The following SLC1A2 variants were observed in gnomAD, a reference collection of about 807,000 sequenced individuals.
SLC1A2 encodes excitatory amino acid transporter 2.
Under a neutral mutation model 48.8 loss-of-function variants are expected in SLC1A2, and 15 were observed. The observed-to-expected ratio is 0.31, with a 90% CI of 0.21 to 0.47. The LOEUF (loss-of-function observed/expected upper bound fraction) is 0.47, where lower values mean the gene tolerates loss of function less well. Among genes scored for constraint, SLC1A2 ranks in the 20% least tolerant of loss-of-function variants. The pLI is 0.99. For missense variants in SLC1A2, 502 were observed against 730.5 expected (o/e 0.69, Z 3.61); for synonymous variants, 279 against 272.6 (o/e 1.02, Z -0.23).
chr11:35,419,147 G>C lies in SLC1A2; in HGVS notation c.-181C>G. The C allele has an allele frequency of 2.0e-6, 1 of 499,202 alleles. No homozygotes were observed. The highest frequency in any genetic ancestry group is 3.5e-5 in the East Asian group (1 of 28,436). The allele number at this position is 499,202 out of a possible 1,614,324, so 30.9% of individuals were successfully genotyped here. A position where few individuals can be genotyped will look rare whatever the true frequency, so the allele number is the denominator to read the frequency against. On this transcript the variant is annotated 5_prime_UTR_variant, in exon 1 of 11. Transcript: ENST00000278379. This position sits in a 1 kb window ranked among gnomAD's most constrained non-coding sequence, Gnocchi z 5.4. ...GCCTCAACGGGCGCAGGAGGCTCCT[G>C]CGGGCGCTAATCCGCGTCCCGGCTC...
intron 1 of SLC1A2, among the ~76,000 whole-genome samples, chr11:35,388,794 G>A (rs1033339526): frequency 6.6e-6 from 1 of 152,194 alleles, no homozygotes; most frequent in Non-Finnish European, 1.5e-5. Flanking sequence ...TACACCTTCG[G>A]ATGCTCAGAA....
In SLC1A2 at chr11:35,369,265, C is replaced by T. The variant is rs1395675714; in HGVS notation, c.17+49685G>A. ...TAGAGACAAAAGTAATAAAGAGGGC[C>T]TTTTGTCATGTAACTCGAGGTGAGG... On this transcript the variant is annotated intron_variant, in intron 1 of 10. Coordinates refer to ENST00000278379, the MANE Select transcript of SLC1A2 (RefSeq NM_004171.4). 4.6e-5 allele frequency among the ~76,000 whole-genome samples: 7 copies of T among 152,160 alleles called. No homozygotes were observed. In the East Asian group the frequency reaches 7.7e-4, roughly 17 times the overall value.
intron 1 of SLC1A2, among the ~76,000 whole-genome samples, chr11:35,392,179 T>C (rs1161283685): frequency 6.6e-6 from 1 of 152,238 alleles, no homozygotes; most frequent in South Asian, 2.1e-4. Flanking sequence ...TGCTTACACA[T>C]ACTTTTAAGT....
chr11:35,345,061 TA>T (rs11406743), intron 1 of SLC1A2, among the ~76,000 whole-genome samples: 2 of 150,866 alleles, frequency 1.3e-5, no homozygotes, highest in Non-Finnish European at 3.0e-5. Context: ...GCCCCAAGAG[TA>T]AAAAAAAATA....
chr11:35,338,836 C>T (rs1852731266), intron 1 of SLC1A2, among the ~76,000 whole-genome samples: 1 of 152,202 alleles, frequency 6.6e-6, no homozygotes, highest in Admixed American at 6.5e-5. Context: ...GACACAATTA[C>T]TTTACCCACT....
At chr11:35,271,160 T>A (rs1757506032) in intron 9 of SLC1A2, among the ~76,000 whole-genome samples, 1 of 152,182 alleles carries the variant, frequency 6.6e-6, no homozygotes, top group African/African-American at 2.4e-5. Context: ...CAGTAGACAA[T>A]GTAACCATAT....
At chr11:35,314,628 G>A (rs4756209) in intron 3 of SLC1A2, among the ~76,000 whole-genome samples, 3 of 150,908 alleles carry the variant, frequency 2.0e-5, no homozygotes, top group Admixed American at 6.6e-5. Context: ...CAGGAGAATC[G>A]CTTGAACCCA....
At chr11:35,269,765 A>G (rs556264935) in intron 9 of SLC1A2, among the ~76,000 whole-genome samples, 9 of 152,314 alleles carry the variant, frequency 5.9e-5, no homozygotes, top group African/African-American at 1.9e-4. Context: ...AACTCTGGCC[A>G]ATGAAATAGC....
intron 1 of SLC1A2, among the ~76,000 whole-genome samples, chr11:35,413,412 TC>T (rs1248435589): frequency 1.3e-5 from 2 of 152,120 alleles, no homozygotes; most frequent in Admixed American, 6.5e-5. Context: ...AGGCTAAGAG[TC>T]ACTCCTGCTG....
At chr11:35,371,263 A>G (rs574705125) in intron 1 of SLC1A2, among the ~76,000 whole-genome samples, 1 of 152,266 alleles carries the variant, frequency 6.6e-6, no homozygotes, top group East Asian at 1.9e-4. Flanking sequence ...ACTTTGATAC[A>G]GCACCAACTT....
At chr11:35,315,561 A>C (rs1851847215) in intron 2 of SLC1A2, 1 of 161,306 alleles carries the variant, frequency 6.2e-6, no homozygotes, top group African/African-American at 2.4e-5. Context: ...TGGGAGGCCG[A>C]GGCGAGTGGG....
At chr11:35,284,543 TTGTGTG>T (rs34712517) in intron 8 of SLC1A2, among the ~76,000 whole-genome samples, 4 of 149,938 alleles carry the variant, frequency 2.7e-5, no homozygotes, top group African/African-American at 9.8e-5. Context: ...TGTTTTCATA[TTGTGTG>T]TGTGTGTGTG....
In SLC1A2 at chr11:35,317,551, T is replaced by C. The variant is rs767693208; in HGVS notation, c.18-35A>G. ...AAGTGAAGGCAGAGATTAGAGAGACTGGCACCTCCCCTATACAGTTTCAGG... is the reference window on the plus strand; with the variant it reads ...AAGTGAAGGCAGAGATTAGAGAGACCGGCACCTCCCCTATACAGTTTCAGG... On this transcript the variant is annotated intron_variant, in intron 1 of 10. Coordinates refer to ENST00000278379, the MANE Select transcript of SLC1A2 (RefSeq NM_004171.4). 7.5e-6 allele frequency: 12 copies of C among 1,602,700 alleles called. No homozygotes were observed. In the African/African-American group the frequency reaches 9.3e-5, roughly 12 times the overall value.
At position 35,260,703 on chromosome 11, in the gene SLC1A2, T is replaced by C; in HGVS notation, c.*191A>G. The C allele has an allele frequency of 3.5e-6, 2 of 570,784 alleles. No individual in the cohort carries two copies. Among genetic ancestry groups the C allele is most frequent in the South Asian group, 4.6e-5 (2 of 43,946 alleles). The allele number at this position is 570,784 out of a possible 1,614,324, so 35.4% of individuals were successfully genotyped here. A position where few individuals can be genotyped will look rare whatever the true frequency, so the allele number is the denominator to read the frequency against. On this transcript the variant is annotated 3_prime_UTR_variant, in exon 11 of 11. Transcript: ENST00000278379. ...AGAAAATTAGACGGTTATAAAGCATTATTTGGCAAAGACACAGCACCGTGC... is the reference window on the plus strand; with the variant it reads ...AGAAAATTAGACGGTTATAAAGCATCATTTGGCAAAGACACAGCACCGTGC...
chr11:35,272,998 A>G (rs999006559), intron 9 of SLC1A2, among the ~76,000 whole-genome samples: 4 of 152,180 alleles, frequency 2.6e-5, no homozygotes, highest in African/African-American at 9.7e-5. Context: ...AATCGTCTGG[A>G]ACTCCTGGTT....
chr11:35,322,908 CA>C, intron 1 of SLC1A2: 1 of 615,896 alleles, frequency 1.6e-6, no homozygotes, highest in South Asian at 1.9e-5. Flanking sequence ...CTGGCATTTC[CA>C]ACAGCCTGCA....
intron 1 of SLC1A2, among the ~76,000 whole-genome samples, chr11:35,401,757 A>C (rs1402537301): frequency 1.3e-5 from 2 of 152,078 alleles, no homozygotes; most frequent in Non-Finnish European, 2.9e-5. Flanking sequence ...ATTCTGTCAC[A>C]TGTTTCTCAA....
intron 2 of SLC1A2, chr11:35,317,112 A>G (rs1186871022): frequency 2.0e-5 from 8 of 409,490 alleles, no homozygotes; most frequent in Non-Finnish European, 3.6e-5. Context: ...CAAAGTCTCC[A>G]TAAGTATAGG....
chr11:35,383,421 G>A (rs1462423150), intron 1 of SLC1A2, among the ~76,000 whole-genome samples: 2 of 152,138 alleles, frequency 1.3e-5, no homozygotes, highest in African/African-American at 4.8e-5. Context: ...AGATAAAGAT[G>A]TCATGGGATT....
Sources: allele counts gnomAD v4.1 joint callset (sites outside exome capture counted in the v4.1 genomes callset), GRCh38; gene constraint gnomAD v4.1.1; non-coding constraint Gnocchi (gnomAD v3.1); transcripts MANE v1.5; gene names NCBI Gene and HGNC (gene_info 2026-07-23, HGNC 2026-07-21).